ZRANB1: variants seen among roughly 807,000 people sequenced by gnomAD.
ZRANB1 encodes ubiquitin thioesterase ZRANB1.
Under a neutral mutation model 80.5 loss-of-function variants are expected in ZRANB1, and 16 were observed. The observed-to-expected ratio is 0.20, with a 90% CI of 0.13 to 0.30. The LOEUF is 0.30. ZRANB1 is among the 10% of genes least tolerant of loss of function. The pLI is 1.00. For missense variants in ZRANB1, 576 were observed against 862.6 expected (o/e 0.67, Z 4.16); for synonymous variants, 291 against 293.1 (o/e 0.99, Z 0.07).
intron 2 of ZRANB1, among the ~76,000 whole-genome samples, chr10:124,967,110 A>G (rs1951783457): frequency 6.6e-6 from 1 of 152,208 alleles, no homozygotes; most frequent in Non-Finnish European, 1.5e-5. Context: ...ATACAATTGT[A>G]AAGATACTGG....
chr10:124,934,663 G>A, the ZRANB1 span, among the ~76,000 whole-genome samples: 3 of 152,208 alleles, frequency 2.0e-5, no homozygotes, highest in Admixed American at 6.5e-5. Context: ...GACATGTTAA[G>A]TGTGAGAAAC....
chr10:124,973,370 TG>T (rs145464682), intron 3 of ZRANB1, among the ~76,000 whole-genome samples: 1,960 of 152,314 alleles, frequency 0.013, 38 homozygotes, highest in African/African-American at 0.045. Context: ...TTGCCCAGGC[TG>T]GGCTCAGAAT....
chr10:124,972,088 A>G lies in ZRANB1; in HGVS notation c.1126A>G (p.Thr376Ala). 6.2e-7 allele frequency: 1 copy of G among 1,613,728 alleles called. No homozygotes were observed. The highest frequency in any genetic ancestry group is 8.5e-7 in the Non-Finnish European group (1 of 1,179,832). ...GGGGGATTTTGCTTGCTATTTTCTG[A>G]CTGACCTTGTAACATTTACATTGCC... is the stretch of plus-strand genomic sequence containing the variant. ...RKGDFACYFL[T>A]DLVTFTLPAD... Residue 376 changes from threonine (T) to alanine (A), a missense_variant, in exon 3 of 9, where the codon ACT (threonine) becomes GCT (alanine). Thr to Ala is a moderately conservative substitution (Grantham distance 58). Coordinates refer to ENST00000359653, the MANE Select transcript of ZRANB1 (RefSeq NM_017580.3).
chr10:124,934,701 G>C, the ZRANB1 span, among the ~76,000 whole-genome samples: 1 of 152,172 alleles, frequency 6.6e-6, no homozygotes, highest in African/African-American at 2.4e-5. Flanking sequence ...TGAGATGTCA[G>C]GTGGGCAACT....
the ZRANB1 span, among the ~76,000 whole-genome samples, chr10:124,924,105 C>T: frequency 6.6e-6 from 1 of 150,970 alleles, no homozygotes; most frequent in African/African-American, 2.4e-5. Flanking sequence ...GGTCTTGGTA[C>T]GTTACTCAGG....
intron 1 of ZRANB1, 54 bp from the exon 2 acceptor site, chr10:124,966,540 G>GT (rs1266809956): frequency 3.8e-6 from 6 of 1,570,026 alleles, no homozygotes; most frequent in East Asian, 2.3e-5. Flanking sequence ...TACGGTTTGT[G>GT]TTTTTTGAAG....
At chr10:124,965,891 A>G (rs1025326064) in intron 1 of ZRANB1, among the ~76,000 whole-genome samples, 1 of 152,182 alleles carries the variant, frequency 6.6e-6, no homozygotes, top group Non-Finnish European at 1.5e-5. Flanking sequence ...TGTTCTTTAT[A>G]GATTTGGCAG....
intron 3 of ZRANB1, among the ~76,000 whole-genome samples, chr10:124,972,610 T>G (rs1240589068): frequency 6.6e-6 from 1 of 152,190 alleles, no homozygotes; most frequent in African/African-American, 2.4e-5. Context: ...TTTTACTCAT[T>G]TATTTCTACT....
chr10:124,970,381 C>G (rs961595890), intron 2 of ZRANB1, among the ~76,000 whole-genome samples: 12 of 152,148 alleles, frequency 7.9e-5, no homozygotes, highest in African/African-American at 2.9e-4. Flanking sequence ...CTTTCAGCCT[C>G]CCCAGTAGCT....
chr10:124,981,136 G>T (rs553234378), intron 5 of ZRANB1, among the ~76,000 whole-genome samples: 1 of 152,304 alleles, frequency 6.6e-6, no homozygotes, highest in East Asian at 1.9e-4. Context: ...AAGAATCGAT[G>T]TGTTTTCAGT....
intron 1 of ZRANB1, among the ~76,000 whole-genome samples, chr10:124,959,206 G>A (rs74725405): frequency 0.013 from 2,004 of 152,234 alleles, 50 homozygotes; most frequent in African/African-American, 0.046. Flanking sequence ...AGGACTTTTG[G>A]TGACATCTAA....
intron 5 of ZRANB1, 149 bp downstream of exon 5, chr10:124,974,547 C>G: frequency 1.3e-6 from 1 of 748,844 alleles, no homozygotes; most frequent in East Asian, 2.8e-5. Flanking sequence ...ACTTTGAACA[C>G]GTCCATGGTT....
At chr10:124,953,622 AGT>A (rs1445782822) in intron 1 of ZRANB1, among the ~76,000 whole-genome samples, 24 of 152,206 alleles carry the variant, frequency 1.6e-4, no homozygotes, top group African/African-American at 5.3e-4. Flanking sequence ...GTGTTTCTGT[AGT>A]GTGTGTTCTG....
At chr10:124,930,971 A>G in the ZRANB1 span, among the ~76,000 whole-genome samples, 1 of 152,188 alleles carries the variant, frequency 6.6e-6, no homozygotes, top group African/African-American at 2.4e-5. Flanking sequence ...TCGAGGTTGC[A>G]GTGAGCCATG....
rs1951548134 is a variant in ZRANB1 at position 124,942,778 on chromosome 10, T to G, written c.285T>G (p.Tyr95Ter). The G allele has an allele frequency of 6.2e-7, 1 of 1,614,120 alleles. No individual in the cohort carries two copies. The highest frequency in any genetic ancestry group is 1.3e-5 in the African/African-American group (1 of 74,940). The change falls in exon 1 of 9, where the codon TAT (tyrosine) becomes TAG (stop). Residue 95 changes from tyrosine (Y) to a stop codon, truncating the protein, a stop_gained. Coordinates refer to ENST00000359653, the MANE Select transcript of ZRANB1 (RefSeq NM_017580.3). LOFTEE classifies it high-confidence loss of function. ...ANKWSCHMCT[Y>*]LNWPRAIRCT... The stretch of plus-strand genomic sequence containing the variant: ...AGTGGTCATGCCACATGTGTACATA[T>G]TTGAACTGGCCAAGAGCAATCAGAT...
chr10:124,949,167 C>G (rs1951609465), intron 1 of ZRANB1, among the ~76,000 whole-genome samples: 1 of 152,036 alleles, frequency 6.6e-6, no homozygotes, highest in Non-Finnish European at 1.5e-5. Flanking sequence ...TCACTCATGG[C>G]AATATTTGTT....
At chr10:124,981,953 A>G (rs1389307626) in intron 6 of ZRANB1, 124 bp downstream of exon 6, 23 of 1,220,698 alleles carry the variant, frequency 1.9e-5, no homozygotes, top group Non-Finnish European at 2.4e-5. Context: ...ACGTGGTATC[A>G]TCAGTCAACT....
the ZRANB1 span, among the ~76,000 whole-genome samples, chr10:124,933,866 G>A: frequency 6.6e-6 from 1 of 152,178 alleles, no homozygotes; most frequent in Non-Finnish European, 1.5e-5. Context: ...GATAGAGTAA[G>A]TATGTAAAGA....
intron 1 of ZRANB1, chr10:124,962,328 C>T (rs1951740585): frequency 7.2e-6 from 7 of 977,702 alleles, no homozygotes; most frequent in African/African-American, 1.8e-5. Flanking sequence ...TCCACCCTGA[C>T]CCCACAGCAT....
Sources: allele counts gnomAD v4.1 joint callset (sites outside exome capture counted in the v4.1 genomes callset), GRCh38; gene constraint gnomAD v4.1.1; transcripts MANE v1.5; gene names NCBI Gene and HGNC (gene_info 2026-07-23, HGNC 2026-07-21).